Variants in GAA observed in about 807,000 individuals in gnomAD.
GAA encodes lysosomal alpha-glucosidase.
GAA carries 88 observed loss-of-function variants against 103.9 expected under a neutral mutation model. That is an observed-to-expected ratio of 0.85 (90% CI 0.71 to 1.01). The LOEUF is 1.01. GAA is among the 50% of genes least tolerant of loss of function. The pLI, the probability that GAA is intolerant of heterozygous loss-of-function variation, is 0.00. For missense variants in GAA, 1,350 were observed against 1,305.3 expected (o/e 1.03, Z -0.53); for synonymous variants, 572 against 563.1 (o/e 1.02, Z -0.22).
chr17:80,111,128 A>T, intron 11 of GAA, 103 bp downstream of exon 11: 14 of 945,472 alleles, frequency 1.5e-5, no homozygotes, highest in East Asian at 3.0e-5. Flanking sequence ...CAGATGGGCC[A>T]GCGGGGAAAG....
Position 80,112,875 on chromosome 17 carries a change from G to A in GAA, c.1889-1G>A. Reference sequence around the variant, plus strand: ...GGACCAGCCTGACTCTGCCCTCCCAGAAATCCTGCAGTTTAACCTGCTGGG... The same window carrying A: ...GGACCAGCCTGACTCTGCCCTCCCAAAAATCCTGCAGTTTAACCTGCTGGG... On this transcript the variant is annotated splice_acceptor_variant, in intron 13 of 19. Transcript: ENST00000302262. LOFTEE classifies it high-confidence loss of function. 2 of 1,607,474 alleles carry A rather than the reference G, an allele frequency of 1.2e-6. No individual in the cohort carries two copies. The highest frequency in any genetic ancestry group is 1.7e-5 in the Admixed American group (1 of 59,348).
At chr17:80,106,030 C>A in intron 3 of GAA, 136 bp downstream of exon 3, 2 of 1,207,322 alleles carry the variant, frequency 1.7e-6, no homozygotes, top group Non-Finnish European at 2.3e-6. Context: ...GCGGGGAGGG[C>A]GACGGGCATT....
chr17:80,117,776 G>C, intron 17 of GAA, 27 bp downstream of exon 17: 1 of 1,593,998 alleles, frequency 6.3e-7, no homozygotes, highest in Non-Finnish European at 8.5e-7. Context: ...GCTATGGTGG[G>C]GGTGTGGACA....
intron 12 of GAA, 43 bp downstream of exon 12, chr17:80,112,143 C>T (rs2039252024): frequency 6.4e-7 from 1 of 1,570,596 alleles, no homozygotes; most frequent in Non-Finnish European, 8.8e-7. Context: ...CCCTCACAGC[C>T]TGTCCTACAA....
intron 1 of GAA, among the ~76,000 whole-genome samples, chr17:80,103,882 C>T (rs567212240): frequency 1.3e-5 from 2 of 152,290 alleles, no homozygotes; most frequent in South Asian, 4.1e-4. Context: ...GGAAAGGGAG[C>T]AAGGAAAGGT....
At chr17:80,111,362 A>G (rs1435854587) in intron 11 of GAA, among the ~76,000 whole-genome samples, 1 of 152,192 alleles carries the variant, frequency 6.6e-6, no homozygotes, top group Non-Finnish European at 1.5e-5. Flanking sequence ...CCCAACTCGA[A>G]TGCAGCACGG....
chr17:80,107,924 GC>G, intron 5 of GAA, 28 bp downstream of exon 5: 2 of 1,575,222 alleles, frequency 1.3e-6, no homozygotes, highest in Non-Finnish European at 1.7e-6. Flanking sequence ...CAGCGCCCGG[GC>G]CGGGGTCTCC....
intron 9 of GAA, among the ~76,000 whole-genome samples, chr17:80,110,389 G>A (rs955567958): frequency 6.6e-6 from 1 of 152,208 alleles, no homozygotes; most frequent in African/African-American, 2.4e-5. Flanking sequence ...CAGCTAGGGA[G>A]GGTCTGGTGC....
At position 80,118,657 on chromosome 17, in the gene GAA, C is replaced by G; in HGVS notation, c.2651C>G (p.Thr884Arg). 6.2e-7 allele frequency: 1 copy of G among 1,612,282 alleles called. No homozygotes were observed. Among genetic ancestry groups the G allele is most frequent in the South Asian group, 1.1e-5 (1 of 91,086 alleles). ...TQVIFLARNN[T>R]IVNELVRVTS... ...ATCTCTCTCTGCTCGGCCCAGAACACGATCGTGAATGAGCTGGTACGTGTG... is the reference window on the plus strand; with the variant it reads ...ATCTCTCTCTGCTCGGCCCAGAACAGGATCGTGAATGAGCTGGTACGTGTG... Residue 884 changes from threonine (T) to arginine (R), a missense_variant, in exon 19 of 20, where the codon ACG (threonine) becomes AGG (arginine). Physicochemically the swap from Thr to Arg is moderately conservative, Grantham distance 71. Coordinates refer to ENST00000302262, the MANE Select transcript of GAA (RefSeq NM_000152.5).
intron 15 of GAA, 132 bp from the exon 16 acceptor site, chr17:80,116,836 C>G: frequency 2.0e-6 from 2 of 1,002,534 alleles, no homozygotes; most frequent in Non-Finnish European, 3.1e-6. Flanking sequence ...GACCTGAGTC[C>G]TCCAAGTCCT....
At chr17:80,105,193 C>T in intron 2 of GAA, 61 bp downstream of exon 2, 1 of 1,475,182 alleles carries the variant, frequency 6.8e-7, no homozygotes, top group Non-Finnish European at 9.2e-7. Context: ...ACATCGACAC[C>T]CACGCACCTC....
intron 11 of GAA, among the ~76,000 whole-genome samples, chr17:80,111,274 C>G (rs1432538661): frequency 2.6e-5 from 4 of 152,332 alleles, no homozygotes; most frequent in African/African-American, 9.6e-5. Flanking sequence ...CACAGTGAGG[C>G]CGACTCGACT....
At chr17:80,110,574 C>T (rs1007086175) in intron 9 of GAA, among the ~76,000 whole-genome samples, 153 bp from the exon 10 acceptor site, 8 of 152,250 alleles carry the variant, frequency 5.3e-5, no homozygotes, top group Admixed American at 2.0e-4. Flanking sequence ...AAGAGCTGCT[C>T]ATTGACCTCC....
rs769251110 is a variant in GAA, at chr17:80,117,121, G to A, written c.2331+12G>A. 2 of 1,611,736 alleles carry A rather than the reference G, an allele frequency of 1.2e-6. No individual in the cohort carries two copies. The highest frequency in any genetic ancestry group is 1.7e-6 in the Non-Finnish European group (2 of 1,179,938). ...ACGACCTGCAGACGGTGAGTCTGGG[G>A]ACCCTAAGCCCTGGGGAGACGGGAG... On this transcript the variant is annotated intron_variant, in intron 16 of 19. Transcript: ENST00000302262.
In GAA at chr17:80,117,583, G is replaced by A; in HGVS notation, c.2332-17G>A. The A allele has an allele frequency of 6.2e-7, 1 of 1,612,886 alleles. No individual in the cohort carries two copies. Among genetic ancestry groups the A allele is most frequent in the Non-Finnish European group, 8.5e-7 (1 of 1,179,924 alleles). On this transcript the variant is annotated splice_polypyrimidine_tract_variant and intron_variant, in intron 16 of 19. Transcript: ENST00000302262. ...CTCGGCACGGCCCAGAATCCTCAAAGCAACATCTCCCTCCAGGTGCCAGTA... is the reference window on the plus strand; with the variant it reads ...CTCGGCACGGCCCAGAATCCTCAAAACAACATCTCCCTCCAGGTGCCAGTA...
intron 15 of GAA, among the ~76,000 whole-genome samples, chr17:80,114,373 T>C (rs909872454): frequency 1.3e-5 from 2 of 152,104 alleles, no homozygotes; most frequent in African/African-American, 4.8e-5. Context: ...AAACGCAATT[T>C]GTGTTTTAAT....
chr17:80,105,006 C>A lies in GAA; in HGVS notation c.420C>A (p.Asn140Lys), dbSNP rs560661191. The A allele has an allele frequency of 2.9e-5, 47 of 1,612,966 alleles. No homozygotes were observed. The highest frequency in any genetic ancestry group is 3.6e-5 in the Non-Finnish European group (42 of 1,180,030). The change falls in exon 2 of 20, where the codon AAC becomes AAA. Residue 140 changes from asparagine to lysine, a missense_variant. By Grantham distance (94) the Asn-to-Lys change is moderately conservative. Transcript: ENST00000302262. ...GCTACCCCAGCTACAAGCTGGAGAA[C>A]CTGAGCTCCTCTGAAATGGGCTACA... is the stretch of plus-strand genomic sequence containing the variant. ...PPSYPSYKLE[N>K]LSSSEMGYTA...
chr17:80,111,272 G>C (rs1462456888), intron 11 of GAA, among the ~76,000 whole-genome samples: 4 of 152,254 alleles, frequency 2.6e-5, no homozygotes, highest in Non-Finnish European at 5.9e-5. Flanking sequence ...AGCACAGTGA[G>C]GCCGACTCGA....
chr17:80,111,989 T>C lies in GAA; in HGVS notation c.1643T>C (p.Val548Ala), dbSNP rs754686630. 5.0e-6 allele frequency: 8 copies of C among 1,613,324 alleles called. No homozygotes were observed. Among genetic ancestry groups the C allele is most frequent in the Non-Finnish European group, 6.8e-6 (8 of 1,179,772 alleles). ...LENPPYVPGV[V>A]GGTLQAATIC... ...CAGCCCCCGCCTCTTCCAGGGGTGG[T>C]TGGGGGGACCCTCCAGGCGGCCACC... Residue 548 changes from valine (V) to alanine (A), a missense_variant, in exon 12 of 20, where the codon GTT becomes GCT. By Grantham distance (64) the Val-to-Ala change is moderately conservative. Coordinates refer to ENST00000302262, the MANE Select transcript of GAA (RefSeq NM_000152.5).
Sources: gnomAD v4.1 joint callset for allele counts (sites outside exome capture counted in the v4.1 genomes callset) on GRCh38, gnomAD v4.1.1 for gene constraint, MANE v1.5 for transcripts, NCBI Gene and HGNC (gene_info 2026-07-23, HGNC 2026-07-21) for gene names.